CARMIL1: variants seen among roughly 807,000 people sequenced by gnomAD.
CARMIL1 encodes F-actin-uncapping protein LRRC16A.
A neutral mutation model predicts 177.1 loss-of-function variants in CARMIL1; 90 were observed. The ratio of observed to expected loss-of-function variants is 0.51; its 90% CI spans 0.43 to 0.61. The LOEUF (loss-of-function observed/expected upper bound fraction) is 0.61. Ranked by LOEUF, CARMIL1 falls within the 20% of genes least tolerant of loss-of-function variation. The pLI is 0.00. For missense variants in CARMIL1, 1,380 were observed against 1,667.0 expected, an observed-to-expected ratio of 0.83 and a Z score of 3.00; for synonymous variants, 577 against 606.2, an observed-to-expected ratio of 0.95 and a Z score of 0.71.
At chr6:25,427,602 T>C (rs1796385658) in intron 4 of CARMIL1, among the ~76,000 whole-genome samples, 1 of 152,220 alleles carries the variant, frequency 6.6e-6, no homozygotes, top group East Asian at 1.9e-4. Context: ...AATTGTATAG[T>C]AGCTATATGT....
intron 27 of CARMIL1, among the ~76,000 whole-genome samples, chr6:25,551,477 A>G (rs1451549963): frequency 6.6e-6 from 1 of 152,178 alleles, no homozygotes; most frequent in African/African-American, 2.4e-5. Context: ...GCCTCTAAAT[A>G]GGGAGAGGCC....
At chr6:25,390,312 ATATATATATTTTTTTT>A (rs200679169) in intron 2 of CARMIL1, among the ~76,000 whole-genome samples, 1,340 of 38,868 alleles carry the variant, frequency 0.034, 57 homozygotes, top group South Asian at 0.25. Context: ...ATATATATAT[ATATATATATTTTTTTT>A]TTTTTTTTTT....
intron 2 of CARMIL1, among the ~76,000 whole-genome samples, chr6:25,382,807 A>G (rs1034169821): frequency 4.6e-5 from 7 of 152,284 alleles, no homozygotes; most frequent in Middle Eastern, 3.4e-3. Context: ...TTCTCTACCT[A>G]GACAGAAAAG....
chr6:25,519,647 T>C (rs1448500487), intron 22 of CARMIL1, among the ~76,000 whole-genome samples: 1 of 152,234 alleles, frequency 6.6e-6, no homozygotes, highest in Non-Finnish European at 1.5e-5. Context: ...TCAGAGTGTT[T>C]AGCCAGGCAG....
intron 26 of CARMIL1, among the ~76,000 whole-genome samples, chr6:25,546,332 A>G (rs973755294): frequency 1.3e-5 from 2 of 152,286 alleles, no homozygotes; most frequent in Non-Finnish European, 2.9e-5. Context: ...ATGATGTCCT[A>G]CCTAGAAAAC....
chr6:25,391,482 C>G (rs1325708651), intron 2 of CARMIL1, among the ~76,000 whole-genome samples: 1 of 152,160 alleles, frequency 6.6e-6, no homozygotes, highest in African/African-American at 2.4e-5. Context: ...CCTTCTGTCA[C>G]AGTTGTCTAG....
intron 2 of CARMIL1, among the ~76,000 whole-genome samples, chr6:25,390,321 T>TATATATATATATATATA (rs1491117122): frequency 1.0e-4 from 4 of 38,178 alleles, no homozygotes; most frequent in Admixed American, 3.1e-4. Flanking sequence ...TATATATATA[T>TATATATATATATATATA]TTTTTTTTTT....
intron 2 of CARMIL1, among the ~76,000 whole-genome samples, chr6:25,369,481 A>G (rs2150426449): frequency 6.7e-6 from 1 of 150,182 alleles, no homozygotes; most frequent in African/African-American, 2.5e-5. Flanking sequence ...TGGCTGCTAC[A>G]TTTTTATAAC....
At chr6:25,436,004 C>T (rs1207121338) in intron 5 of CARMIL1, among the ~76,000 whole-genome samples, 1 of 152,108 alleles carries the variant, frequency 6.6e-6, no homozygotes, top group East Asian at 1.9e-4. Context: ...GCTTTATTTT[C>T]TTTGCTTTTT....
At chr6:25,324,809 T>C (rs1784945121) in intron 2 of CARMIL1, among the ~76,000 whole-genome samples, 1 of 152,072 alleles carries the variant, frequency 6.6e-6, no homozygotes, top group Non-Finnish European at 1.5e-5. Context: ...AGTAGAGGGC[T>C]GAAGTGAGGG....
At chr6:25,396,849 G>A (rs7341239) in intron 2 of CARMIL1, among the ~76,000 whole-genome samples, 63,677 of 151,952 alleles carry the variant, frequency 0.42, 13,548 homozygotes, top group Middle Eastern at 0.58. Context: ...AATGGGCTCA[G>A]AGAGGACAAG....
chr6:25,488,281 G>C (rs1802866903), intron 12 of CARMIL1, among the ~76,000 whole-genome samples: 1 of 152,192 alleles, frequency 6.6e-6, no homozygotes, highest in South Asian at 2.1e-4. Flanking sequence ...GATTCAGTGA[G>C]GGGGTTGTGT....
chr6:25,400,528 C>G (rs1471570724), intron 2 of CARMIL1, among the ~76,000 whole-genome samples: 1 of 152,118 alleles, frequency 6.6e-6, no homozygotes, highest in Non-Finnish European at 1.5e-5. Flanking sequence ...TAGATTATAT[C>G]CATCCCCCCA....
chr6:25,527,922 T>C (rs191083971), intron 23 of CARMIL1, among the ~76,000 whole-genome samples: 66 of 152,304 alleles, frequency 4.3e-4, no homozygotes, highest in African/African-American at 1.4e-3. Context: ...AAAAGCCAAA[T>C]GGTTAAGTGA....
At chr6:25,420,701 C>A (rs551726981) in intron 3 of CARMIL1, among the ~76,000 whole-genome samples, 27 of 152,314 alleles carry the variant, frequency 1.8e-4, no homozygotes, top group Non-Finnish European at 3.2e-4. Flanking sequence ...TAAGAAATAA[C>A]AAGATGCCAC....
chr6:25,286,380 G>A (rs1035523291), intron 2 of CARMIL1, among the ~76,000 whole-genome samples: 1 of 152,192 alleles, frequency 6.6e-6, no homozygotes. Context: ...GATGGTAAAG[G>A]CATTGAATGG....
intron 3 of CARMIL1, among the ~76,000 whole-genome samples, chr6:25,424,645 A>G (rs1218914092): frequency 2.6e-5 from 4 of 152,218 alleles, no homozygotes; most frequent in African/African-American, 9.6e-5. Flanking sequence ...AAGATATTTT[A>G]TGTAGCAATA....
chr6:25,560,737 T>C (rs970180217), intron 29 of CARMIL1, among the ~76,000 whole-genome samples: 12 of 152,168 alleles, frequency 7.9e-5, no homozygotes, highest in Admixed American at 7.2e-4. Context: ...TACAAAAGGA[T>C]TAAAATTTGC....
chr6:25,562,656 A>G (rs1811230515), intron 29 of CARMIL1, among the ~76,000 whole-genome samples: 1 of 152,208 alleles, frequency 6.6e-6, no homozygotes, highest in South Asian at 2.1e-4. Context: ...ATTTCTAGAA[A>G]GAGATGAATC....
Sources: allele counts gnomAD v4.1 joint callset (sites outside exome capture counted in the v4.1 genomes callset), GRCh38; gene constraint gnomAD v4.1.1; transcripts MANE v1.5; gene names NCBI Gene and HGNC (gene_info 2026-07-23, HGNC 2026-07-21).